The following ADK variants were observed in gnomAD, a reference collection of about 807,000 sequenced individuals.
ADK encodes the protein N6,N6-dimethyladenosine kinase.
In ADK, 24 loss-of-function variants were observed where a neutral mutation model predicts 44.7. The observed-to-expected ratio is 0.54, with a 90% CI of 0.39 to 0.76. The LOEUF is 0.76. Ranked by LOEUF, ADK falls within the 30% of genes least tolerant of loss-of-function variation. ADK has a pLI of 0.00. For synonymous variants in ADK, 128 were observed against 142.6 expected (o/e 0.90, Z 0.73); for missense variants, 321 against 425.1 (o/e 0.76, Z 2.15).
At chr10:74,404,544 T>C (rs1843840402) in intron 6 of ADK, among the ~76,000 whole-genome samples, 1 of 152,208 alleles carries the variant, frequency 6.6e-6, no homozygotes, top group South Asian at 2.1e-4. Context: ...TTGTGCCAGA[T>C]ATATAGTTCT....
chr10:74,602,912 C>T (rs997160570), intron 9 of ADK, among the ~76,000 whole-genome samples: 4 of 152,166 alleles, frequency 2.6e-5, no homozygotes, highest in Non-Finnish European at 5.9e-5. Context: ...AGAGGCAGTC[C>T]TCTAATACGG....
At chr10:74,274,751 C>CATTATATATATATATATATATATAT (rs1846602071) in intron 3 of ADK, among the ~76,000 whole-genome samples, 7 of 105,620 alleles carry the variant, frequency 6.6e-5, no homozygotes, top group Admixed American at 2.1e-4. Context: ...TATATATACA[C>CATTATATATATATATATATATATAT]ACACACATTA....
intron 1 of ADK, among the ~76,000 whole-genome samples, chr10:74,168,039 C>T (rs1027696961): frequency 6.6e-6 from 1 of 152,200 alleles, no homozygotes; most frequent in Non-Finnish European, 1.5e-5. Flanking sequence ...TCTTTCTCTA[C>T]ATTGATCTGC....
intron 7 of ADK, among the ~76,000 whole-genome samples, chr10:74,580,375 A>C (rs1288847649): frequency 6.6e-6 from 1 of 152,142 alleles, no homozygotes; most frequent in Admixed American, 6.5e-5. Flanking sequence ...CAGGAATTCA[A>C]AACCAGCTTG....
chr10:74,320,553 C>G (rs1449656360), intron 4 of ADK, among the ~76,000 whole-genome samples: 1 of 152,020 alleles, frequency 6.6e-6, no homozygotes, highest in Non-Finnish European at 1.5e-5. Context: ...ACCATTATAT[C>G]TTCAAAAATT....
At chr10:74,427,416 T>C (rs776642301) in intron 6 of ADK, among the ~76,000 whole-genome samples, 3 of 152,188 alleles carry the variant, frequency 2.0e-5, no homozygotes, top group Non-Finnish European at 4.4e-5. Flanking sequence ...GCCAGGATGG[T>C]CTCGATCTCT....
At chr10:74,242,549 G>A (rs1173660416) in intron 3 of ADK, among the ~76,000 whole-genome samples, 18 of 109,424 alleles carry the variant, frequency 1.6e-4, no homozygotes, top group Admixed American at 1.5e-3. Flanking sequence ...AAATGCTGAT[G>A]ATAGAAGCAG....
chr10:74,500,513 A>G (rs1031826070), intron 6 of ADK, among the ~76,000 whole-genome samples: 7 of 152,222 alleles, frequency 4.6e-5, no homozygotes, highest in Non-Finnish European at 7.3e-5. Flanking sequence ...TGACCAAGAT[A>G]TTGCATTTTG....
At chr10:74,337,505 C>G (rs1438316923) in intron 4 of ADK, among the ~76,000 whole-genome samples, 1 of 152,180 alleles carries the variant, frequency 6.6e-6, no homozygotes, top group African/African-American at 2.4e-5. Context: ...GGATACTGTA[C>G]AGACACTGAC....
At chr10:74,418,193 CAAAAT>C (rs913445884) in intron 6 of ADK, among the ~76,000 whole-genome samples, 7 of 152,120 alleles carry the variant, frequency 4.6e-5, no homozygotes, top group African/African-American at 1.2e-4. Flanking sequence ...TTGTACTCCC[CAAAAT>C]AAAATGTTTC....
At chr10:74,192,458 C>T (rs1156818074) in intron 1 of ADK, among the ~76,000 whole-genome samples, 1 of 151,520 alleles carries the variant, frequency 6.6e-6, no homozygotes, top group Admixed American at 6.6e-5. Context: ...GAACTCCTGA[C>T]CTTGTGATCC....
chr10:74,705,629 G>A (rs1230630511), intron 10 of ADK, among the ~76,000 whole-genome samples: 1 of 152,198 alleles, frequency 6.6e-6, no homozygotes, highest in Non-Finnish European at 1.5e-5. Flanking sequence ...GTGTGGATAT[G>A]TGCTTTCACC....
intron 6 of ADK, among the ~76,000 whole-genome samples, chr10:74,403,009 A>G (rs550608246): frequency 7.1e-4 from 108 of 152,236 alleles, no homozygotes; most frequent in Middle Eastern, 3.4e-3. Flanking sequence ...AGTTTGCTGG[A>G]GGTCCACTCC....
chr10:74,211,814 G>T (rs1843822088), intron 2 of ADK, among the ~76,000 whole-genome samples: 1 of 151,732 alleles, frequency 6.6e-6, no homozygotes, highest in Non-Finnish European at 1.5e-5. Flanking sequence ...TACAGCTTAG[G>T]TTTATTGTAA....
intron 3 of ADK, among the ~76,000 whole-genome samples, chr10:74,291,864 G>A (rs1847452514): frequency 6.6e-6 from 1 of 151,714 alleles, no homozygotes; most frequent in Non-Finnish European, 1.5e-5. Flanking sequence ...TTTGTTCTTC[G>A]TGACTTTTCT....
chr10:74,499,851 G>T (rs1198506475), intron 6 of ADK, among the ~76,000 whole-genome samples: 4 of 152,078 alleles, frequency 2.6e-5, no homozygotes, highest in African/African-American at 9.7e-5. Flanking sequence ...ATACTGTTCT[G>T]TTTTCTCTGA....
At chr10:74,469,469 C>A (rs1846479798) in intron 6 of ADK, among the ~76,000 whole-genome samples, 1 of 152,100 alleles carries the variant, frequency 6.6e-6, no homozygotes, top group African/African-American at 2.4e-5. Context: ...CTCGAGTGAT[C>A]CTCCTACTTC....
intron 6 of ADK, among the ~76,000 whole-genome samples, chr10:74,511,811 G>T (rs1039623553): frequency 1.3e-5 from 2 of 152,034 alleles, no homozygotes; most frequent in African/African-American, 4.8e-5. Flanking sequence ...TTGCCTAATT[G>T]CTGTGGCTAG....
intron 9 of ADK, among the ~76,000 whole-genome samples, chr10:74,648,408 C>T (rs141644266): frequency 6.6e-5 from 10 of 152,064 alleles, no homozygotes; most frequent in Non-Finnish European, 1.5e-4. Context: ...GGCCGGGCGC[C>T]GTGGCTCACA....
Sources: allele counts gnomAD v4.1 joint callset (sites outside exome capture counted in the v4.1 genomes callset), GRCh38; gene constraint gnomAD v4.1.1; transcripts MANE v1.5; gene names NCBI Gene and HGNC (gene_info 2026-07-23, HGNC 2026-07-21).